The following CTNNA3 variants were observed in gnomAD, a reference collection of about 807,000 sequenced individuals.
CTNNA3 encodes catenin alpha-3.
Under a neutral mutation model 95.7 loss-of-function variants are expected in CTNNA3, and 76 were observed. That is an observed-to-expected ratio of 0.79 (90% CI 0.66 to 0.96). CTNNA3 has a LOEUF of 0.96. CTNNA3 is among the 40% of genes least tolerant of loss of function. CTNNA3 has a pLI of 0.00. For synonymous variants in CTNNA3, 431 were observed against 374.4 expected (o/e 1.15, Z -1.74); for missense variants, 1,191 against 1,089.8 (o/e 1.09, Z -1.31).
intron 7 of CTNNA3, among the ~76,000 whole-genome samples, chr10:67,044,601 T>G (rs1854611596): frequency 6.6e-6 from 1 of 152,188 alleles, no homozygotes; most frequent in Non-Finnish European, 1.5e-5. Flanking sequence ...GAGACAGGAT[T>G]TGTCTTATTC....
intron 5 of CTNNA3, among the ~76,000 whole-genome samples, chr10:67,312,911 T>C (rs1344947054): frequency 5.9e-5 from 9 of 152,210 alleles, no homozygotes; most frequent in Non-Finnish European, 1.3e-4. Context: ...AAGTAATTTG[T>C]TAGAAATTAA....
intron 1 of CTNNA3, among the ~76,000 whole-genome samples, chr10:67,728,141 T>A (rs986946981): frequency 6.9e-6 from 1 of 145,652 alleles, no homozygotes; most frequent in African/African-American, 2.5e-5. Flanking sequence ...TATATGTATA[T>A]ATATTATACT....
chr10:66,175,304 T>C (rs911387465), intron 13 of CTNNA3, among the ~76,000 whole-genome samples: 2 of 152,066 alleles, frequency 1.3e-5, no homozygotes, highest in Non-Finnish European at 1.5e-5. Context: ...ACTGAGGGAA[T>C]AGAATAAGCA....
rs569743123 is a variant in CTNNA3 at position 67,274,238 on chromosome 10, A to G, written c.580-54368T>C. 7.9e-5 allele frequency among the ~76,000 whole-genome samples: 12 copies of G among 152,254 alleles called. No individual in the cohort carries two copies. The East Asian group carries it at 2.3e-3, about 29-fold the overall frequency. On this transcript the variant is annotated intron_variant, in intron 5 of 17. Transcript: ENST00000433211. ...AAGATTCAAACAAAAGAAATGGAAGAAGAGTTACAAAGCAGATATTAAATA... is the reference window on the plus strand; with the variant it reads ...AAGATTCAAACAAAAGAAATGGAAGGAGAGTTACAAAGCAGATATTAAATA...
intron 11 of CTNNA3, among the ~76,000 whole-genome samples, chr10:66,486,325 T>C (rs189868503): frequency 1.3e-5 from 2 of 152,288 alleles, no homozygotes; most frequent in African/African-American, 4.8e-5. Flanking sequence ...ATATCCAAAT[T>C]ACATAATGAA....
intron 5 of CTNNA3, among the ~76,000 whole-genome samples, chr10:67,506,548 G>A (rs952286753): frequency 3.3e-5 from 5 of 152,206 alleles, no homozygotes; most frequent in African/African-American, 4.8e-5. Flanking sequence ...CTGCATGACT[G>A]GTGTGTGCCT....
At position 66,212,985 on chromosome 10, in the gene CTNNA3, G is replaced by C. The variant is rs1246702798; in HGVS notation, c.1884+67485C>G. 3.3e-5 allele frequency among the ~76,000 whole-genome samples: 5 copies of C among 152,230 alleles called. No homozygotes were observed. In the East Asian group the frequency reaches 7.7e-4, roughly 24 times the overall value. ...GAGCCAAGATCATGCCACTGCACTAGAGCCTAGGTGGTAGAGAGACTCTTG... is the reference window on the plus strand; with the variant it reads ...GAGCCAAGATCATGCCACTGCACTACAGCCTAGGTGGTAGAGAGACTCTTG... On this transcript the variant is annotated intron_variant, in intron 13 of 17. Transcript: ENST00000433211.
chr10:67,481,626 C>G (rs977231032), intron 5 of CTNNA3, among the ~76,000 whole-genome samples: 1 of 152,064 alleles, frequency 6.6e-6, no homozygotes, highest in Non-Finnish European at 1.5e-5. Flanking sequence ...CAAAACACTG[C>G]TCATTGTAGA....
chr10:67,033,449 T>C (rs1393810197), intron 7 of CTNNA3, among the ~76,000 whole-genome samples: 1 of 152,176 alleles, frequency 6.6e-6, no homozygotes, highest in Non-Finnish European at 1.5e-5. Context: ...TATGTATCAA[T>C]ACTTGGTCAG....
chr10:66,659,515 T>C (rs1846184332), intron 9 of CTNNA3, among the ~76,000 whole-genome samples: 1 of 152,192 alleles, frequency 6.6e-6, no homozygotes, highest in Non-Finnish European at 1.5e-5. Flanking sequence ...TTACAAGGAA[T>C]ATTTAAATGC....
chr10:66,764,067 G>A (rs1415818901), intron 9 of CTNNA3, among the ~76,000 whole-genome samples: 1 of 152,158 alleles, frequency 6.6e-6, no homozygotes, highest in African/African-American at 2.4e-5. Context: ...AGAAATGAAA[G>A]TGACTTAGAC....
At position 67,573,351 on chromosome 10, in the gene CTNNA3, A is replaced by G. The variant is rs115796513; in HGVS notation, c.292+33506T>C. Among the ~76,000 whole-genome samples the G allele has an allele frequency of 4.4e-3, 664 of 152,282 alleles. 6 individuals are homozygous for G. Among genetic ancestry groups the G allele is most frequent in the African/African-American group, 0.015 (620 of 41,568 alleles). On this transcript the variant is annotated intron_variant, in intron 3 of 17. Transcript: ENST00000433211. The stretch of plus-strand genomic sequence containing the variant: ...AGCATGCAGCCTGGACAGAAAAGGA[A>G]GCAAGTGCAAAACTTGCTTGGAGAA...
intron 7 of CTNNA3, among the ~76,000 whole-genome samples, chr10:67,160,831 A>G (rs1173751648): frequency 6.6e-6 from 1 of 152,228 alleles, no homozygotes; most frequent in African/African-American, 2.4e-5. Flanking sequence ...TATACATACA[A>G]TGAAATATTA....
chr10:67,159,518 A>G (rs1011221817), intron 7 of CTNNA3, among the ~76,000 whole-genome samples: 1 of 152,224 alleles, frequency 6.6e-6, no homozygotes, highest in Non-Finnish European at 1.5e-5. Flanking sequence ...AAATGAAACC[A>G]CATGTTATTT....
intron 5 of CTNNA3, among the ~76,000 whole-genome samples, chr10:67,368,265 C>T (rs1843289446): frequency 6.6e-6 from 1 of 152,132 alleles, no homozygotes; most frequent in Non-Finnish European, 1.5e-5. Context: ...AGATGTTTAA[C>T]ATCATTAGTT....
At chr10:67,227,525 A>G (rs1299702459) in intron 5 of CTNNA3, among the ~76,000 whole-genome samples, 3 of 152,214 alleles carry the variant, frequency 2.0e-5, no homozygotes, top group African/African-American at 7.2e-5. Flanking sequence ...CATATATGCA[A>G]CACTGGAGCT....
intron 2 of CTNNA3, among the ~76,000 whole-genome samples, chr10:67,637,174 C>T (rs924202746): frequency 1.3e-5 from 2 of 152,170 alleles, no homozygotes; most frequent in Non-Finnish European, 2.9e-5. Context: ...CTTAAAGGAC[C>T]TGATGGAGCT....
intron 13 of CTNNA3, among the ~76,000 whole-genome samples, chr10:66,211,836 T>A (rs752611676): frequency 4.6e-5 from 7 of 152,146 alleles, no homozygotes; most frequent in Non-Finnish European, 1.0e-4. Context: ...AACAGGCAAG[T>A]TTTTCTTCAA....
At chr10:67,521,220 A>T (rs779380042) in intron 5 of CTNNA3, among the ~76,000 whole-genome samples, 3 of 152,184 alleles carry the variant, frequency 2.0e-5, no homozygotes, top group Non-Finnish European at 4.4e-5. Flanking sequence ...AATCATGATG[A>T]ATATTAGGTT....
Sources: allele counts gnomAD v4.1 joint callset (sites outside exome capture counted in the v4.1 genomes callset), GRCh38; gene constraint gnomAD v4.1.1; transcripts MANE v1.5; gene names NCBI Gene and HGNC (gene_info 2026-07-23, HGNC 2026-07-21).